Variants in NBEA observed in about 807,000 individuals in gnomAD.
The protein encoded by NBEA is neurobeachin, also known as lysosomal-trafficking regulator 2.
A neutral mutation model predicts 343.4 loss-of-function variants in NBEA; 44 were observed. The observed-to-expected ratio is 0.13, with a 90% CI of 0.10 to 0.16. NBEA has a LOEUF of 0.16. NBEA is among the 10% of genes least tolerant of loss of function. The probability of loss-of-function intolerance (pLI) is 1.00; values close to 1 mark genes in which losing one functional copy is unlikely to be tolerated. For synonymous variants in NBEA, 1,175 were observed against 1,238.7 expected (o/e 0.95, Z 1.08); for missense variants, 2,555 against 3,631.3 (o/e 0.70, Z 7.62).
intron 17 of NBEA, among the ~76,000 whole-genome samples, chr13:35,132,107 T>C (rs918102977): frequency 3.3e-5 from 5 of 152,122 alleles, no homozygotes; most frequent in Admixed American, 1.3e-4. Flanking sequence ...CCAAAAGAAG[T>C]GATAGCATGT....
chr13:35,639,552 A>G (rs2083843520), intron 49 of NBEA, among the ~76,000 whole-genome samples: 1 of 152,160 alleles, frequency 6.6e-6, no homozygotes, highest in Admixed American at 6.5e-5. Flanking sequence ...TTTTGTGTCA[A>G]GCTTGTATTT....
At chr13:35,181,442 T>C (rs779653113) in intron 28 of NBEA, among the ~76,000 whole-genome samples, 8 of 152,006 alleles carry the variant, frequency 5.3e-5, no homozygotes, top group Non-Finnish European at 1.2e-4. Context: ...ATATATTTGT[T>C]GTTGGCTATT....
At position 35,024,309 on chromosome 13, in the gene NBEA, G is replaced by A. The variant is rs570861485; in HGVS notation, c.295-16624G>A. On this transcript the variant is annotated intron_variant, in intron 1 of 58. Coordinates refer to ENST00000379939, the MANE Select transcript of NBEA (RefSeq NM_001385012.1). ...AGTGCTGCGATGAACATACAAGTGC[G>A]TGTTGCTTTTTGGTAAAACAATTTT... Among the ~76,000 whole-genome samples the A allele has an allele frequency of 3.1e-4, 47 of 152,244 alleles. 1 individual carries two copies. The highest frequency in any genetic ancestry group is 1.9e-3 in the Admixed American group (29 of 15,288).
chr13:35,009,214 T>G (rs1329709050), intron 1 of NBEA, among the ~76,000 whole-genome samples: 1 of 152,214 alleles, frequency 6.6e-6, no homozygotes, highest in Non-Finnish European at 1.5e-5. Context: ...TATAGTAGTG[T>G]ACAAAGCAAC....
chr13:35,441,884 A>G (rs956767556), intron 39 of NBEA, among the ~76,000 whole-genome samples: 11 of 151,616 alleles, frequency 7.3e-5, no homozygotes, highest in African/African-American at 2.7e-4. Flanking sequence ...TGTGCAAGAA[A>G]GTCTCCCCAC....
intron 4 of NBEA, among the ~76,000 whole-genome samples, chr13:35,045,721 T>C (rs1227840045): frequency 1.3e-5 from 2 of 151,906 alleles, no homozygotes; most frequent in Non-Finnish European, 1.5e-5. Flanking sequence ...TGTTTTGTTT[T>C]GTTTTGTTTT....
At chr13:35,134,207 T>C (rs1178449391) in intron 17 of NBEA, among the ~76,000 whole-genome samples, 1 of 152,002 alleles carries the variant, frequency 6.6e-6, no homozygotes, top group Non-Finnish European at 1.5e-5. Flanking sequence ...AATAGAATAA[T>C]GGTAGAGATG....
intron 48 of NBEA, 75 bp downstream of exon 48, chr13:35,606,653 C>A: frequency 8.2e-7 from 1 of 1,225,772 alleles, no homozygotes; most frequent in South Asian, 2.4e-5. Context: ...TTGTCCTGTT[C>A]TTTACTATAA....
rs1252742075 is a variant in NBEA at position 35,583,971 on chromosome 13, G to C, written c.7109G>C (p.Ser2370Thr). Residue 2370 changes from serine to threonine, a missense_variant, in exon 46 of 59, where the codon AGC becomes ACC. Ser to Thr is a moderately conservative substitution (Grantham distance 58, BLOSUM62 1). Around this residue, in one of 21 missense-constraint regions of NBEA, gnomAD observed 156 missense variants for 185.8 expected, o/e 0.84. Coordinates refer to ENST00000379939, the MANE Select transcript of NBEA (RefSeq NM_001385012.1). Reference sequence around the variant, plus strand: ...TATGAGACATGGGAAGATGATCAAAGCCCACCCTACCATTATAATACCCAT... The same window carrying C: ...TATGAGACATGGGAAGATGATCAAACCCCACCCTACCATTATAATACCCAT... ...ERYETWEDDQ[S>T]PPYHYNTHYS... 1.2e-6 allele frequency: 2 copies of C among 1,613,486 alleles called. No homozygotes were observed. Among genetic ancestry groups the C allele is most frequent in the East Asian group, 2.2e-5 (1 of 44,828 alleles).
chr13:35,544,191 C>G (rs1471455478), intron 41 of NBEA, among the ~76,000 whole-genome samples: 1 of 152,144 alleles, frequency 6.6e-6, no homozygotes, highest in Non-Finnish European at 1.5e-5. Context: ...ACGCGACAAC[C>G]TTAGGAACTC....
intron 10 of NBEA, among the ~76,000 whole-genome samples, chr13:35,078,210 C>G (rs1041901208): frequency 7.2e-5 from 11 of 152,164 alleles, no homozygotes; most frequent in East Asian, 3.9e-4. Flanking sequence ...TTGGCCAATA[C>G]CCTGTTTAAC....
intron 39 of NBEA, among the ~76,000 whole-genome samples, chr13:35,438,533 T>C (rs1281274609): frequency 6.6e-6 from 1 of 152,232 alleles, no homozygotes; most frequent in Non-Finnish European, 1.5e-5. Flanking sequence ...AATAACCTAT[T>C]GGTTGTATTA....
intron 48 of NBEA, among the ~76,000 whole-genome samples, chr13:35,608,680 C>G (rs993077649): frequency 6.6e-6 from 1 of 152,218 alleles, no homozygotes; most frequent in Non-Finnish European, 1.5e-5. Context: ...ACCAGTCAAA[C>G]TGAATGAATC....
intron 45 of NBEA, among the ~76,000 whole-genome samples, chr13:35,571,949 C>T (rs1005189809): frequency 9.3e-5 from 14 of 150,450 alleles, no homozygotes; most frequent in Admixed American, 8.6e-4. Flanking sequence ...AGCACAGGAG[C>T]AAAAAAAAAG....
At chr13:35,278,764 A>G (rs1290318815) in intron 34 of NBEA, among the ~76,000 whole-genome samples, 2 of 152,222 alleles carry the variant, frequency 1.3e-5, no homozygotes, top group African/African-American at 4.8e-5. Flanking sequence ...ATGCTTTAGC[A>G]CAAGGATTGG....
chr13:35,569,164 G>A (rs1223861391), intron 45 of NBEA, among the ~76,000 whole-genome samples: 6 of 152,134 alleles, frequency 3.9e-5, no homozygotes, highest in South Asian at 2.1e-4. Context: ...ATGAATATAT[G>A]CTACTACATA....
At chr13:35,206,173 G>A (rs953343044) in intron 31 of NBEA, among the ~76,000 whole-genome samples, 9 of 151,346 alleles carry the variant, frequency 5.9e-5, no homozygotes, top group East Asian at 3.9e-4. Flanking sequence ...TTTTTCTCTC[G>A]GTCTCATAAC....
At chr13:35,305,238 C>G (rs946495335) in intron 35 of NBEA, among the ~76,000 whole-genome samples, 2 of 152,162 alleles carry the variant, frequency 1.3e-5, no homozygotes, top group African/African-American at 4.8e-5. Flanking sequence ...TCCAGTAGAA[C>G]TAAAAACCTG....
chr13:35,606,571 A>C lies in NBEA; in HGVS notation c.7442A>C (p.Asn2481Thr), dbSNP rs2082288208. The change falls in exon 48 of 59, where the codon AAC becomes ACC. Residue 2481 changes from asparagine to threonine, a missense_variant. Physicochemically the swap from Asn to Thr is moderately conservative, Grantham distance 65. Transcript: ENST00000379939. The stretch of plus-strand genomic sequence containing the variant: ...AAACCTGAAGACTTTGTGCGGATCA[A>C]CAGGATGGTAAGAGAGATTTTGCTT... ...AKKPEDFVRINRMALESEFVS... is the reference protein window; with the variant it reads ...AKKPEDFVRITRMALESEFVS... The C allele has an allele frequency of 6.2e-7, 1 of 1,600,272 alleles. No homozygotes were observed. Among genetic ancestry groups the C allele is most frequent in the Non-Finnish European group, 8.5e-7 (1 of 1,171,446 alleles).
Sources: gnomAD v4.1 joint callset for allele counts (sites outside exome capture counted in the v4.1 genomes callset) on GRCh38, gnomAD v4.1.1 for gene constraint, gnomAD v4.1.1 regional missense constraint, MANE v1.5 for transcripts, NCBI Gene and HGNC (gene_info 2026-07-23, HGNC 2026-07-21) for gene names.